The following PCDH15 variants were observed in gnomAD, a reference collection of about 807,000 sequenced individuals.
PCDH15 encodes protocadherin related 15, also known as protocadherin-15.
Under a neutral mutation model 178.5 loss-of-function variants are expected in PCDH15, and 129 were observed. That is an observed-to-expected ratio of 0.72 (90% CI 0.63 to 0.84). The LOEUF (loss-of-function observed/expected upper bound fraction) is 0.84. Ranked by LOEUF, PCDH15 falls within the 40% of genes least tolerant of loss-of-function variation. The pLI is 0.00. For missense variants in PCDH15, 2,230 were observed against 2,099.9 expected, an observed-to-expected ratio of 1.06 and a Z score of -1.21; for synonymous variants, 800 against 732.0, an observed-to-expected ratio of 1.09 and a Z score of -1.50.
chr10:54,833,325 T>C (rs1953258172), intron 3 of PCDH15, among the ~76,000 whole-genome samples: 4 of 152,208 alleles, frequency 2.6e-5, no homozygotes, highest in Admixed American at 2.6e-4. Context: ...ACATTAGATG[T>C]TTCTGTGAAG....
intron 1 of PCDH15, among the ~76,000 whole-genome samples, chr10:55,208,668 T>C (rs183932597): frequency 6.6e-6 from 1 of 152,198 alleles, no homozygotes; most frequent in East Asian, 1.9e-4. Flanking sequence ...ATCATACACT[T>C]TTTTTGTCTG....
At chr10:55,417,466 C>T (rs183675397) in intron 2 of PCDH15, among the ~76,000 whole-genome samples, 29 of 151,486 alleles carry the variant, frequency 1.9e-4, no homozygotes, top group African/African-American at 6.5e-4. Flanking sequence ...TGCTATCTCC[C>T]CTTTTACAGA....
intron 1 of PCDH15, among the ~76,000 whole-genome samples, chr10:54,673,328 G>A (rs1292778790): frequency 6.6e-6 from 1 of 151,938 alleles, no homozygotes; most frequent in East Asian, 1.9e-4. Flanking sequence ...GCGGTGCTTG[G>A]TTTTTCTGTT....
intron 2 of PCDH15, among the ~76,000 whole-genome samples, chr10:55,420,591 G>T (rs1838597699): frequency 6.6e-6 from 1 of 151,516 alleles, no homozygotes; most frequent in African/African-American, 2.4e-5. Context: ...TTTGTTTTTA[G>T]CTGTCTTAGA....
At chr10:55,594,240 T>C (rs779072403) in intron 2 of PCDH15, among the ~76,000 whole-genome samples, 2 of 151,952 alleles carry the variant, frequency 1.3e-5, no homozygotes, top group Non-Finnish European at 2.9e-5. Context: ...TTAATTGTTA[T>C]AATGATTAAG....
rs561821395 is a variant in PCDH15, at chr10:54,516,114, T to C, written c.157+11698A>G. On this transcript the variant is annotated intron_variant, in intron 3 of 37. Transcript: ENST00000644397. ...CCTCTCCTCCTCCAAAGGAATGCAG[T>C]TCCTCACCAGCAACGGAACAAAGCT... is the stretch of plus-strand genomic sequence containing the variant. Among the ~76,000 whole-genome samples, 34 of 152,214 alleles carry C rather than the reference T, an allele frequency of 2.2e-4. No homozygotes were observed. In the East Asian group the frequency reaches 6.4e-3, roughly 29 times the overall value.
intron 2 of PCDH15, among the ~76,000 whole-genome samples, chr10:55,577,412 T>A (rs534839755): frequency 1.6e-4 from 25 of 152,316 alleles, no homozygotes; most frequent in African/African-American, 5.8e-4. Flanking sequence ...ATTTTAATAT[T>A]ATACTAAATT....
At chr10:54,430,583 A>G (rs1956848181) in intron 3 of PCDH15, among the ~76,000 whole-genome samples, 2 of 152,180 alleles carry the variant, frequency 1.3e-5, no homozygotes, top group African/African-American at 2.4e-5. Flanking sequence ...AGGAAGTTCA[A>G]AAAGATCCAA....
chr10:54,539,335 T>C (rs1223928315), intron 2 of PCDH15, among the ~76,000 whole-genome samples: 2 of 152,148 alleles, frequency 1.3e-5, no homozygotes, highest in Non-Finnish European at 2.9e-5. Flanking sequence ...ACTATTGTTA[T>C]ATCAAATAAA....
intron 1 of PCDH15, among the ~76,000 whole-genome samples, chr10:54,783,630 C>T (rs1591614526): frequency 6.6e-6 from 1 of 152,060 alleles, no homozygotes; most frequent in Admixed American, 6.6e-5. Context: ...CTTCCAGAGT[C>T]AGAAAGATTA....
chr10:54,285,622 A>T (rs1591588251), intron 8 of PCDH15, among the ~76,000 whole-genome samples: 2 of 152,194 alleles, frequency 1.3e-5, no homozygotes, highest in Non-Finnish European at 2.9e-5. Context: ...TGTTTGTGGG[A>T]ATGTAAATTA....
At chr10:54,672,514 G>T in intron 1 of PCDH15, among the ~76,000 whole-genome samples, 1 of 152,126 alleles carries the variant, frequency 6.6e-6, no homozygotes. Flanking sequence ...GTGTAAAGAA[G>T]CAAACGTATT....
chr10:55,060,532 T>A lies in PCDH15; in HGVS notation c.-80+106044A>T, dbSNP rs1841404021. Among the ~76,000 whole-genome samples, 5 of 152,104 alleles carry A rather than the reference T, an allele frequency of 3.3e-5. No homozygotes were observed. The South Asian group carries it at 1.0e-3, about 31-fold the overall frequency. The stretch of plus-strand genomic sequence containing the variant: ...AGGACCAAGTATTATGTATAATTAA[T>A]TTATACAATATATTATAGATCACAA... On this transcript the variant is annotated intron_variant, in intron 2 of 5. Coordinates refer to the PCDH15 transcript ENST00000458638.
At chr10:55,153,068 TTA>T (rs1178582227) in intron 2 of PCDH15, among the ~76,000 whole-genome samples, 1 of 152,096 alleles carries the variant, frequency 6.6e-6, no homozygotes, top group Non-Finnish European at 1.5e-5. Context: ...AGATAACAAA[TTA>T]TCATTATGTT....
intron 12 of PCDH15, among the ~76,000 whole-genome samples, 191 bp from the exon 13 acceptor site, chr10:54,183,784 G>A (rs2048234521): frequency 1.3e-5 from 2 of 152,296 alleles, no homozygotes; most frequent in South Asian, 4.1e-4. Flanking sequence ...AATATGGTAA[G>A]AAGCAAGTAT....
At chr10:54,640,780 G>A (rs979093282) in intron 2 of PCDH15, among the ~76,000 whole-genome samples, 1 of 152,046 alleles carries the variant, frequency 6.6e-6, no homozygotes, top group African/African-American at 2.4e-5. Context: ...TCTTCACGAT[G>A]CCTTTTTAAG....
intron 2 of PCDH15, among the ~76,000 whole-genome samples, chr10:55,140,427 T>C (rs1037047799): frequency 1.3e-5 from 2 of 151,904 alleles, no homozygotes; most frequent in Non-Finnish European, 2.9e-5. Context: ...TCATAATTGG[T>C]TGTAAAATTT....
chr10:54,796,266 C>CTATCTGTCTATG (rs1951975861), intron 1 of PCDH15, among the ~76,000 whole-genome samples: 1 of 87,252 alleles, frequency 1.1e-5, no homozygotes, highest in South Asian at 3.6e-4. Flanking sequence ...ATCTATCTAT[C>CTATCTGTCTATG]TATCTATGTA....
intron 9 of PCDH15, among the ~76,000 whole-genome samples, chr10:54,220,825 A>AAAT: frequency 7.0e-6 from 1 of 143,116 alleles, no homozygotes; most frequent in South Asian, 2.3e-4. Flanking sequence ...ACTCCGTCTC[A>AAAT]AAATAAATAA....
Sources: gnomAD v4.1 joint callset for allele counts (sites outside exome capture counted in the v4.1 genomes callset) on GRCh38, gnomAD v4.1.1 for gene constraint, MANE v1.5 for transcripts, NCBI Gene and HGNC (gene_info 2026-07-23, HGNC 2026-07-21) for gene names.